Variants in RBFOX2 observed in about 807,000 individuals in gnomAD.
RBFOX2 encodes RNA binding fox-1 homolog 2.
RBFOX2 carries 10 observed loss-of-function variants against 49.1 expected under a neutral mutation model. That is an observed-to-expected ratio of 0.20 (90% CI 0.13 to 0.35). RBFOX2 has a LOEUF of 0.35. Among genes scored for constraint, RBFOX2 ranks in the 10% least tolerant of loss-of-function variants. The pLI, the probability that RBFOX2 is intolerant of heterozygous loss-of-function variation, is 1.00. For synonymous variants in RBFOX2, 183 were observed against 187.4 expected, an observed-to-expected ratio of 0.98 and a Z score of 0.19; for missense variants, 323 against 486.9, an observed-to-expected ratio of 0.66 and a Z score of 3.17.
intron 1 of RBFOX2, among the ~76,000 whole-genome samples, chr22:36,010,523 C>A (rs1387186809): frequency 6.6e-6 from 1 of 151,766 alleles, no homozygotes; most frequent in South Asian, 2.1e-4. Context: ...CCCCACTGGC[C>A]TCATTCTCAT....
chr22:35,886,483 T>C (rs1029153612), intron 1 of RBFOX2, among the ~76,000 whole-genome samples: 1 of 152,162 alleles, frequency 6.6e-6, no homozygotes, highest in Admixed American at 6.5e-5. Flanking sequence ...GTTAGGTGAT[T>C]TCATAGTTGT....
chr22:35,859,352 T>C (rs1479827335), intron 1 of RBFOX2, among the ~76,000 whole-genome samples: 1 of 152,102 alleles, frequency 6.6e-6, no homozygotes. Context: ...ATAGCATACA[T>C]GAAGCCATAC....
At chr22:35,847,854 T>A (rs978770247) in intron 1 of RBFOX2, among the ~76,000 whole-genome samples, 1 of 152,030 alleles carries the variant, frequency 6.6e-6, no homozygotes, top group African/African-American at 2.4e-5. Context: ...ACCAAAAAAA[T>A]TGGGGGTGGA....
intron 2 of RBFOX2, among the ~76,000 whole-genome samples, chr22:35,803,147 AACACAC>A (rs374346895): frequency 4.6e-4 from 67 of 145,838 alleles, no homozygotes; most frequent in African/African-American, 1.0e-3. Flanking sequence ...AATTACTTAA[AACACAC>A]ACACACACAC....
intron 1 of RBFOX2, among the ~76,000 whole-genome samples, chr22:35,947,880 G>C (rs975516924): frequency 9.9e-5 from 15 of 151,956 alleles, no homozygotes; most frequent in Admixed American, 2.6e-4. Context: ...TGTTGTTAAA[G>C]AAAAATAATT....
At chr22:35,995,201 A>C (rs1385207661) in intron 1 of RBFOX2, 3 of 152,200 alleles carry the variant, frequency 2.0e-5, no homozygotes, top group Non-Finnish European at 2.9e-5. Flanking sequence ...TTTACGTGAT[A>C]TTCCCCTCAG....
intron 2 of RBFOX2, among the ~76,000 whole-genome samples, chr22:35,782,816 CACAGTT>C (rs1945479615): frequency 6.6e-6 from 1 of 152,136 alleles, no homozygotes; most frequent in South Asian, 2.1e-4. Flanking sequence ...TGCACATACC[CACAGTT>C]AAAGAGTATA....
chr22:35,825,509 G>C (rs1244783051), intron 1 of RBFOX2, among the ~76,000 whole-genome samples: 1 of 151,912 alleles, frequency 6.6e-6, no homozygotes, highest in Non-Finnish European at 1.5e-5. Context: ...CATCAAAATG[G>C]GGGCAGGGCC....
At chr22:35,921,587 A>C (rs901242532) in intron 1 of RBFOX2, among the ~76,000 whole-genome samples, 24 of 152,360 alleles carry the variant, frequency 1.6e-4, no homozygotes, top group African/African-American at 4.8e-4. Context: ...TGGATACTGA[A>C]TTAAATTAGA....
intron 1 of RBFOX2, among the ~76,000 whole-genome samples, chr22:36,004,423 C>T (rs1340396579): frequency 6.6e-6 from 1 of 152,180 alleles, no homozygotes; most frequent in East Asian, 1.9e-4. Context: ...TACCTGAACC[C>T]ATTCATCTCA....
chr22:35,741,899 T>C (rs573229115), exon 12 of RBFOX2: 1 of 152,618 alleles, frequency 6.6e-6, no homozygotes, highest in East Asian at 1.9e-4. Context: ...ATAAAACCAT[T>C]TAGAATTTGG....
intron 1 of RBFOX2, among the ~76,000 whole-genome samples, chr22:35,855,989 A>G (rs2042467963): frequency 6.6e-6 from 1 of 151,862 alleles, no homozygotes; most frequent in African/African-American, 2.4e-5. Flanking sequence ...CCTAGGAGAC[A>G]GAGTGAGACT....
chr22:35,865,245 C>T (rs1339136215), intron 1 of RBFOX2, among the ~76,000 whole-genome samples: 1 of 152,118 alleles, frequency 6.6e-6, no homozygotes, highest in Non-Finnish European at 1.5e-5. Context: ...TTAGTATGAT[C>T]CTTACAGGAT....
chr22:35,859,036 G>A (rs2042839493), intron 1 of RBFOX2, among the ~76,000 whole-genome samples: 1 of 152,002 alleles, frequency 6.6e-6, no homozygotes, highest in South Asian at 2.1e-4. Flanking sequence ...CCTACAAACA[G>A]CAAAAACTAT....
chr22:35,838,079 T>C (rs1031584533), intron 1 of RBFOX2, among the ~76,000 whole-genome samples: 2 of 152,150 alleles, frequency 1.3e-5, no homozygotes, highest in East Asian at 1.9e-4. Context: ...AGTCAAGTCA[T>C]TGAAAAGCCT....
intron 1 of RBFOX2, among the ~76,000 whole-genome samples, chr22:35,956,299 G>T (rs1199499154): frequency 6.6e-6 from 1 of 151,962 alleles, no homozygotes; most frequent in African/African-American, 2.4e-5. Context: ...GTTTTTGCTT[G>T]AAAGTTCAAA....
chr22:35,917,649 CTGGACACAG>C (rs1219579705), intron 1 of RBFOX2, among the ~76,000 whole-genome samples: 2 of 152,052 alleles, frequency 1.3e-5, no homozygotes, highest in Non-Finnish European at 2.9e-5. Context: ...AAGATACTCA[CTGGACACAG>C]TGCACTGCAC....
At chr22:35,990,710 A>G (rs2057940670) in intron 1 of RBFOX2, among the ~76,000 whole-genome samples, 1 of 152,204 alleles carries the variant, frequency 6.6e-6, no homozygotes, top group South Asian at 2.1e-4. Context: ...TCTTAAGACA[A>G]TAGCAATACT....
At chr22:35,890,557 A>C (rs2149364342) in intron 1 of RBFOX2, among the ~76,000 whole-genome samples, 1 of 152,312 alleles carries the variant, frequency 6.6e-6, no homozygotes, top group Non-Finnish European at 1.5e-5. Flanking sequence ...GCCATGGATA[A>C]GGGGGACTAC....
Sources: gnomAD v4.1 joint callset for allele counts (sites outside exome capture counted in the v4.1 genomes callset) on GRCh38, gnomAD v4.1.1 for gene constraint, MANE v1.5 for transcripts, NCBI Gene and HGNC (gene_info 2026-07-23, HGNC 2026-07-21) for gene names.